GLIS3: variants seen among roughly 807,000 people sequenced by gnomAD.
The protein encoded by GLIS3 is GLIS family zinc finger 3, also known as zinc finger protein GLIS3.
In GLIS3, 53 loss-of-function variants were observed where a neutral mutation model predicts 78.6. The observed-to-expected ratio is 0.67, with a 90% confidence interval of 0.54 to 0.85. The LOEUF (loss-of-function observed/expected upper bound fraction) is 0.85. Among genes scored for constraint, GLIS3 ranks in the 40% least tolerant of loss-of-function variants. The pLI, the probability that GLIS3 is intolerant of heterozygous loss-of-function variation, is 0.00. For synonymous variants in GLIS3, 684 were observed against 509.9 expected (o/e 1.34, Z -4.60); for missense variants, 1,703 against 1,231.1 (o/e 1.38, Z -5.74).
chr9:4,428,657 ACCTT>A, the GLIS3 span, among the ~76,000 whole-genome samples: 12 of 152,064 alleles, frequency 7.9e-5, no homozygotes, highest in Admixed American at 7.9e-4. Context: ...AATTTATAAA[ACCTT>A]CATGGTGTGG....
the GLIS3 span, among the ~76,000 whole-genome samples, chr9:4,394,751 G>A: frequency 6.6e-6 from 1 of 152,258 alleles, no homozygotes; most frequent in Admixed American, 6.5e-5. Flanking sequence ...ACAGACTTAT[G>A]CAAGCACATT....
At chr9:4,427,007 T>A in the GLIS3 span, among the ~76,000 whole-genome samples, 1 of 152,320 alleles carries the variant, frequency 6.6e-6, no homozygotes, top group African/African-American at 2.4e-5. Flanking sequence ...TAGTCACCAT[T>A]TTGTATCTGA....
chr9:3,877,010 T>C (rs1220324024), intron 8 of GLIS3, among the ~76,000 whole-genome samples: 1 of 152,078 alleles, frequency 6.6e-6, no homozygotes, highest in Non-Finnish European at 1.5e-5. Flanking sequence ...CATGTATTCT[T>C]TTAAAGGCTG....
chr9:4,194,868 G>T lies in GLIS3; in HGVS notation c.389-68927C>A, dbSNP rs562937105. 2.6e-5 allele frequency among the ~76,000 whole-genome samples: 4 copies of T among 152,342 alleles called. No homozygotes were observed. The South Asian group carries it at 8.3e-4, about 32-fold the overall frequency. ...CTGTGAGGGAAAAACACTGCGAAAAGCTGCATATGTTTTCCCAGACCCAGG... is the reference window on the plus strand; with the variant it reads ...CTGTGAGGGAAAAACACTGCGAAAATCTGCATATGTTTTCCCAGACCCAGG... On this transcript the variant is annotated intron_variant, in intron 2 of 10. Coordinates refer to ENST00000381971, the MANE Select transcript of GLIS3 (RefSeq NM_001042413.2).
intron 6 of GLIS3, among the ~76,000 whole-genome samples, chr9:3,931,593 T>G (rs1275437342): frequency 6.6e-6 from 1 of 152,150 alleles, no homozygotes; most frequent in Non-Finnish European, 1.5e-5. Flanking sequence ...ATGTAAAAAC[T>G]TAGTTACTAG....
intron 9 of GLIS3, among the ~76,000 whole-genome samples, chr9:3,837,280 C>A (rs181918733): frequency 6.6e-6 from 1 of 152,284 alleles, no homozygotes; most frequent in East Asian, 1.9e-4. Flanking sequence ...AGTGATAACA[C>A]CAAATGCTGG....
At chr9:4,163,374 A>T (rs1351120412) in intron 2 of GLIS3, among the ~76,000 whole-genome samples, 1 of 152,276 alleles carries the variant, frequency 6.6e-6, no homozygotes, top group Non-Finnish European at 1.5e-5. Context: ...GCTGGAGGAT[A>T]CCTCATTTAA....
At chr9:3,989,951 T>C (rs1820087351) in intron 4 of GLIS3, among the ~76,000 whole-genome samples, 1 of 152,226 alleles carries the variant, frequency 6.6e-6, no homozygotes, top group African/African-American at 2.4e-5. Flanking sequence ...GTTGATATCA[T>C]ACTGCAGAGT....
At chr9:4,143,136 T>G (rs1833933635) in intron 2 of GLIS3, among the ~76,000 whole-genome samples, 1 of 152,142 alleles carries the variant, frequency 6.6e-6, no homozygotes, top group South Asian at 2.1e-4. Flanking sequence ...AGATGTATAA[T>G]GTGATGATTT....
chr9:4,402,718 T>G, the GLIS3 span, among the ~76,000 whole-genome samples: 17 of 152,230 alleles, frequency 1.1e-4, no homozygotes, highest in South Asian at 3.5e-3. Context: ...ATAGTAGAAT[T>G]GATTAAGCAG....
intron 4 of GLIS3, among the ~76,000 whole-genome samples, chr9:3,941,068 G>A (rs1815866533): frequency 6.6e-6 from 1 of 152,134 alleles, no homozygotes; most frequent in Non-Finnish European, 1.5e-5. Flanking sequence ...CTGCTAACAA[G>A]CCCCCCATAA....
At chr9:4,212,533 C>T (rs936520484) in intron 2 of GLIS3, among the ~76,000 whole-genome samples, 1 of 152,136 alleles carries the variant, frequency 6.6e-6, no homozygotes, top group Non-Finnish European at 1.5e-5. Flanking sequence ...TGTGCTACAA[C>T]AGGGGCAGGG....
rs199810457 is a variant in GLIS3, at chr9:4,255,089, G to A, written c.388+30949C>T. Among the ~76,000 whole-genome samples the A allele has an allele frequency of 1.1e-4, 17 of 152,232 alleles. No homozygotes were observed. In the East Asian group the frequency reaches 3.1e-3, roughly 28 times the overall value. ...CAGACATTTCACCAGATATACAGAT[G>A]TCACATAAGCATATGAGAAGATCTG... On this transcript the variant is annotated intron_variant, in intron 2 of 10. Transcript: ENST00000381971.
intron 2 of GLIS3, among the ~76,000 whole-genome samples, chr9:4,191,518 C>G (rs73643716): frequency 0.042 from 6,359 of 152,198 alleles, 433 homozygotes; most frequent in African/African-American, 0.14. Context: ...ATGAGCATAT[C>G]CTATTACCAA....
intron 2 of GLIS3, 61 bp from the exon 3 acceptor site, chr9:4,126,002 G>C: frequency 7.7e-7 from 1 of 1,291,652 alleles, no homozygotes; most frequent in Non-Finnish European, 1.1e-6. Flanking sequence ...AGTAAATACA[G>C]ACATGTGCAC....
chr9:4,123,555 T>C, intron 3 of GLIS3: 1 of 286,042 alleles, frequency 3.5e-6, no homozygotes, highest in Non-Finnish European at 6.4e-6. Context: ...TATAATTTTA[T>C]TTATACACTT....
chr9:4,041,910 C>T (rs1195560992), intron 4 of GLIS3, among the ~76,000 whole-genome samples: 1 of 152,084 alleles, frequency 6.6e-6, no homozygotes, highest in Non-Finnish European at 1.5e-5. Context: ...TACTCTTATG[C>T]CCAAACCTTG....
At chr9:4,399,759 A>C in the GLIS3 span, among the ~76,000 whole-genome samples, 1 of 152,178 alleles carries the variant, frequency 6.6e-6, no homozygotes, top group African/African-American at 2.4e-5. Flanking sequence ...ACAGTGGTTC[A>C]ATGTGTGGGA....
At chr9:4,082,127 G>A (rs1241966045) in intron 4 of GLIS3, among the ~76,000 whole-genome samples, 2 of 152,168 alleles carry the variant, frequency 1.3e-5, no homozygotes, top group African/African-American at 4.8e-5. Context: ...TGTGCTCTGT[G>A]CATATCACAG....
Sources: allele counts gnomAD v4.1 joint callset (sites outside exome capture counted in the v4.1 genomes callset), GRCh38; gene constraint gnomAD v4.1.1; transcripts MANE v1.5; gene names NCBI Gene and HGNC (gene_info 2026-07-23, HGNC 2026-07-21).